Variants in KIAA1328 observed in about 807,000 individuals in gnomAD.
KIAA1328 encodes the protein protein hinderin.
KIAA1328 carries 52 observed loss-of-function variants against 68.1 expected under a neutral mutation model. That is an observed-to-expected ratio of 0.76 (90% CI 0.61 to 0.96). The LOEUF (loss-of-function observed/expected upper bound fraction) is 0.96. KIAA1328 is among the 40% of genes least tolerant of loss of function. KIAA1328 has a pLI of 0.00. For synonymous variants in KIAA1328, 232 were observed against 239.4 expected (o/e 0.97, Z 0.28); for missense variants, 641 against 677.6 (o/e 0.95, Z 0.60).
intron 6 of KIAA1328, among the ~76,000 whole-genome samples, chr18:36,991,586 G>A (rs1049289219): frequency 1.3e-5 from 2 of 152,114 alleles, no homozygotes; most frequent in East Asian, 3.9e-4. Flanking sequence ...TTCAGTTTCA[G>A]TTATCTATTA....
At chr18:36,961,756 A>G (rs2051684874) in intron 6 of KIAA1328, among the ~76,000 whole-genome samples, 1 of 152,202 alleles carries the variant, frequency 6.6e-6, no homozygotes, top group Non-Finnish European at 1.5e-5. Context: ...TTCACAGACA[A>G]GCAAATGCTG....
chr18:37,110,307 C>T (rs567481425), intron 7 of KIAA1328, among the ~76,000 whole-genome samples: 8 of 152,092 alleles, frequency 5.3e-5, no homozygotes, highest in African/African-American at 1.7e-4. Context: ...AGGTATTTTG[C>T]AGTATGAGGT....
At position 36,885,536 on chromosome 18, in the gene KIAA1328, G is replaced by T. The variant is rs367863122; in HGVS notation, c.333-21G>T. On this transcript the variant is annotated intron_variant, in intron 4 of 9. Coordinates refer to ENST00000280020, the MANE Select transcript of KIAA1328 (RefSeq NM_020776.3). ...AATTTTATTCTGATAGATGTTAAAG[G>T]TTTTTTTTTTTTTATTTCAGAGTAA... 144 of 1,059,460 alleles carry T rather than the reference G, an allele frequency of 1.4e-4. No individual in the cohort carries two copies. In the African/African-American group the frequency reaches 2.0e-3, roughly 15 times the overall value. The allele number at this position is 1,059,460 out of a possible 1,614,324, so 65.6% of individuals were successfully genotyped here.
intron 9 of KIAA1328, among the ~76,000 whole-genome samples, chr18:37,184,356 G>A (rs1365173279): frequency 6.6e-6 from 1 of 152,196 alleles, no homozygotes; most frequent in African/African-American, 2.4e-5. Context: ...CCGAGTGTGA[G>A]CAGTGTCAAC....
At chr18:37,120,454 A>AGG (rs1413408263) in intron 7 of KIAA1328, among the ~76,000 whole-genome samples, 1 of 152,192 alleles carries the variant, frequency 6.6e-6, no homozygotes, top group African/African-American at 2.4e-5. Flanking sequence ...TAGGAAAGAA[A>AGG]GGGGGATGAG....
At chr18:36,985,680 G>T (rs939032875) in intron 6 of KIAA1328, among the ~76,000 whole-genome samples, 4 of 152,094 alleles carry the variant, frequency 2.6e-5, no homozygotes, top group Non-Finnish European at 4.4e-5. Flanking sequence ...AATTACTGTG[G>T]CTCCATATAC....
At chr18:37,203,769 T>C (rs1335470508) in intron 9 of KIAA1328, among the ~76,000 whole-genome samples, 1 of 151,850 alleles carries the variant, frequency 6.6e-6, no homozygotes, top group African/African-American at 2.4e-5. Flanking sequence ...GTCATACATA[T>C]GCCCTCAGGC....
chr18:36,857,170 A>G (rs1260498171), intron 4 of KIAA1328, among the ~76,000 whole-genome samples: 1 of 152,144 alleles, frequency 6.6e-6, no homozygotes. Context: ...GAGCATGGCT[A>G]TGGCTATCAG....
intron 6 of KIAA1328, among the ~76,000 whole-genome samples, chr18:36,964,364 C>T (rs996263924): frequency 4.6e-5 from 7 of 152,104 alleles, no homozygotes; most frequent in Admixed American, 1.3e-4. Flanking sequence ...TTTATGATGA[C>T]GATGGCAGCA....
At chr18:36,873,883 T>G (rs1016847521) in intron 4 of KIAA1328, among the ~76,000 whole-genome samples, 2 of 152,182 alleles carry the variant, frequency 1.3e-5, no homozygotes, top group Admixed American at 1.3e-4. Context: ...TTCCCCTCCC[T>G]GTGCCCATAT....
At chr18:37,111,967 T>G (rs1470575244) in intron 7 of KIAA1328, among the ~76,000 whole-genome samples, 2 of 152,102 alleles carry the variant, frequency 1.3e-5, no homozygotes, top group African/African-American at 2.4e-5. Flanking sequence ...GGCAGTGAGG[T>G]GGGTGGAGGG....
intron 7 of KIAA1328, among the ~76,000 whole-genome samples, chr18:37,123,141 T>C (rs1334087657): frequency 6.6e-6 from 1 of 152,142 alleles, no homozygotes; most frequent in Non-Finnish European, 1.5e-5. Context: ...GCTGTGAGAC[T>C]GAAGAGAGAA....
At chr18:37,110,924 T>C (rs1288402612) in intron 7 of KIAA1328, among the ~76,000 whole-genome samples, 1 of 152,222 alleles carries the variant, frequency 6.6e-6, no homozygotes, top group Non-Finnish European at 1.5e-5. Context: ...GTTTTTCACA[T>C]TGCTCCTGTA....
chr18:37,062,253 A>G (rs2056174908), intron 6 of KIAA1328, among the ~76,000 whole-genome samples: 1 of 152,174 alleles, frequency 6.6e-6, no homozygotes, highest in Non-Finnish European at 1.5e-5. Flanking sequence ...ACCTGTTGTA[A>G]CTGAACATGG....
At chr18:37,110,628 GAACAAACAAACACAAAAATTT>G (rs1168475983) in intron 7 of KIAA1328, among the ~76,000 whole-genome samples, 2 of 152,154 alleles carry the variant, frequency 1.3e-5, no homozygotes, top group Non-Finnish European at 2.9e-5. Flanking sequence ...CACTTAGGAT[GAACAAACAAACACAAAAATTT>G]AACAAACATT....
intron 4 of KIAA1328, among the ~76,000 whole-genome samples, chr18:36,874,743 A>G (rs1430207619): frequency 6.6e-6 from 1 of 152,194 alleles, no homozygotes; most frequent in East Asian, 1.9e-4. Flanking sequence ...TGTTTTAGTC[A>G]TGAAGGCTTT....
At chr18:37,081,830 A>T (rs1047611689) in intron 7 of KIAA1328, among the ~76,000 whole-genome samples, 1 of 151,960 alleles carries the variant, frequency 6.6e-6, no homozygotes, top group Non-Finnish European at 1.5e-5. Flanking sequence ...ATTTATCCAC[A>T]CCCCGACTCT....
At chr18:37,013,661 G>T (rs2054052317) in intron 6 of KIAA1328, among the ~76,000 whole-genome samples, 1 of 152,106 alleles carries the variant, frequency 6.6e-6, no homozygotes, top group African/African-American at 2.4e-5. Flanking sequence ...TCATGTTTCT[G>T]CAAAGGACAT....
intron 7 of KIAA1328, among the ~76,000 whole-genome samples, chr18:37,113,026 C>T (rs762213756): frequency 7.9e-5 from 12 of 152,246 alleles, no homozygotes; most frequent in Non-Finnish European, 1.8e-4. Context: ...ACCAAATCTA[C>T]GTTTGACTGG....
Sources: gnomAD v4.1 joint callset for allele counts (sites outside exome capture counted in the v4.1 genomes callset) on GRCh38, gnomAD v4.1.1 for gene constraint, MANE v1.5 for transcripts, NCBI Gene and HGNC (gene_info 2026-07-23, HGNC 2026-07-21) for gene names.